The following ST7 variants were observed in gnomAD, a reference collection of about 807,000 sequenced individuals.
The protein encoded by ST7 is suppression of tumorigenicity 7, also known as suppressor of tumorigenicity 7 protein.
ST7 carries 28 observed loss-of-function variants against 78.7 expected under a neutral mutation model. The ratio of observed to expected loss-of-function variants is 0.36; its 90% CI spans 0.26 to 0.49. The LOEUF (loss-of-function observed/expected upper bound fraction) is 0.49, where lower values mean the gene tolerates loss of function less well. Among genes scored for constraint, ST7 ranks in the 20% least tolerant of loss-of-function variants. The pLI, the probability that ST7 is intolerant of heterozygous loss-of-function variation, is 0.99. For missense variants in ST7, 418 were observed against 696.0 expected (o/e 0.60, Z 4.49); for synonymous variants, 247 against 249.6 (o/e 0.99, Z 0.10).
intron 2 of ST7, among the ~76,000 whole-genome samples, chr7:117,103,135 C>A (rs1801690884): frequency 6.6e-6 from 1 of 151,982 alleles, no homozygotes; most frequent in Admixed American, 6.6e-5. Flanking sequence ...GAATTAATAT[C>A]ATCAAAATGA....
intron 10 of ST7, among the ~76,000 whole-genome samples, chr7:117,175,965 T>C (rs1808315523): frequency 6.6e-6 from 1 of 152,190 alleles, no homozygotes; most frequent in Non-Finnish European, 1.5e-5. Context: ...ATGGATCTAA[T>C]AGGACATATA....
At chr7:116,971,969 C>G (rs1793448082) in intron 1 of ST7, among the ~76,000 whole-genome samples, 1 of 152,214 alleles carries the variant, frequency 6.6e-6, no homozygotes, top group Non-Finnish European at 1.5e-5. Context: ...TGCTCAGCCT[C>G]TAGCCCAGCT....
chr7:116,974,310 C>T (rs1348931535), intron 1 of ST7, among the ~76,000 whole-genome samples: 4 of 149,270 alleles, frequency 2.7e-5, no homozygotes, highest in Non-Finnish European at 5.9e-5. Context: ...TTTTTTGAGA[C>T]AGAGCCTCAC....
intron 12 of ST7, among the ~76,000 whole-genome samples, chr7:117,201,048 C>T (rs954548138): frequency 1.3e-5 from 2 of 151,990 alleles, no homozygotes; most frequent in African/African-American, 4.8e-5. Context: ...TATAAAATTG[C>T]TTTTTAATCC....
At chr7:117,156,578 A>G (rs1806705325) in intron 9 of ST7, among the ~76,000 whole-genome samples, 1 of 152,186 alleles carries the variant, frequency 6.6e-6, no homozygotes, top group African/African-American at 2.4e-5. Flanking sequence ...GATGTTGAAT[A>G]GGATCATGTA....
intron 1 of ST7, among the ~76,000 whole-genome samples, chr7:116,983,552 C>T (rs899857065): frequency 3.3e-5 from 5 of 152,148 alleles, no homozygotes; most frequent in African/African-American, 9.7e-5. Context: ...GGGATGCCTC[C>T]TTATACACAC....
chr7:117,047,433 C>T (rs1382389530), intron 1 of ST7, among the ~76,000 whole-genome samples: 1 of 152,126 alleles, frequency 6.6e-6, no homozygotes, highest in Non-Finnish European at 1.5e-5. Flanking sequence ...GAACTGAATC[C>T]TGCCCAGAAT....
intron 1 of ST7, among the ~76,000 whole-genome samples, chr7:116,957,276 T>G (rs1792555283): frequency 6.6e-6 from 1 of 152,102 alleles, no homozygotes. Context: ...GGCAATCACA[T>G]CTTGTAATGA....
intron 1 of ST7, among the ~76,000 whole-genome samples, chr7:116,992,355 G>T (rs533100629): frequency 6.6e-6 from 1 of 152,276 alleles, no homozygotes; most frequent in African/African-American, 2.4e-5. Flanking sequence ...TGAAATCTAC[G>T]TGGTTTCCCA....
At chr7:117,191,021 G>T in intron 12 of ST7, 85 bp downstream of exon 12, 1 of 1,089,362 alleles carries the variant, frequency 9.2e-7, no homozygotes. Flanking sequence ...CAAGTACACC[G>T]CTTATAAAAA....
chr7:116,972,752 G>T, intron 1 of ST7: 1 of 919,050 alleles, frequency 1.1e-6, no homozygotes. Context: ...TGGATCCTAC[G>T]GTTCAAGGAG....
intron 1 of ST7, among the ~76,000 whole-genome samples, chr7:117,079,109 CTG>C (rs1799564440): frequency 6.6e-6 from 1 of 152,146 alleles, no homozygotes; most frequent in African/African-American, 2.4e-5. Flanking sequence ...ATGGTTGCGT[CTG>C]TACTAAACAT....
intron 1 of ST7, among the ~76,000 whole-genome samples, chr7:117,086,599 T>G (rs1453728977): frequency 6.6e-6 from 1 of 152,200 alleles, no homozygotes; most frequent in Non-Finnish European, 1.5e-5. Flanking sequence ...GCATTTTTAT[T>G]AGGGATGAAT....
At chr7:117,145,545 C>G (rs1805704958) in intron 9 of ST7, 1 of 152,180 alleles carries the variant, frequency 6.6e-6, no homozygotes, top group Admixed American at 6.5e-5. Context: ...TTACCCCAGT[C>G]TCTGCCTGTC....
At chr7:117,110,076 A>G (rs1389405480) in intron 2 of ST7, among the ~76,000 whole-genome samples, 2 of 152,224 alleles carry the variant, frequency 1.3e-5, no homozygotes, top group East Asian at 1.9e-4. Flanking sequence ...TTCTTACTAA[A>G]TATATGCCCC....
intron 3 of ST7, among the ~76,000 whole-genome samples, chr7:117,120,542 A>G (rs1013403281): frequency 7.2e-5 from 11 of 152,312 alleles, no homozygotes; most frequent in Non-Finnish European, 1.3e-4. Context: ...TTCTAGTCAC[A>G]TGAAGCCAGT....
intron 13 of ST7, among the ~76,000 whole-genome samples, chr7:117,212,820 T>C (rs1013188815): frequency 1.3e-5 from 2 of 152,192 alleles, no homozygotes; most frequent in Non-Finnish European, 2.9e-5. Context: ...TTTTGGTCTT[T>C]TAAAAAAACA....
At chr7:117,201,702 G>A (rs929334669) in intron 12 of ST7, among the ~76,000 whole-genome samples, 1 of 151,896 alleles carries the variant, frequency 6.6e-6, no homozygotes, top group Non-Finnish European at 1.5e-5. Context: ...TTGCCATGTT[G>A]CCCAGGCTGG....
chr7:116,983,437 T>A (rs1476528897), intron 1 of ST7, among the ~76,000 whole-genome samples: 2 of 152,196 alleles, frequency 1.3e-5, no homozygotes, highest in Non-Finnish European at 2.9e-5. Flanking sequence ...TGATATCACA[T>A]GCTTGGGTTT....
Sources: allele counts gnomAD v4.1 joint callset (sites outside exome capture counted in the v4.1 genomes callset), GRCh38; gene constraint gnomAD v4.1.1; transcripts MANE v1.5; gene names NCBI Gene and HGNC (gene_info 2026-07-23, HGNC 2026-07-21).